The following RAPGEF5 variants were observed in gnomAD, a reference collection of about 807,000 sequenced individuals.
RAPGEF5 encodes the protein M-Ras-regulated GEF.
In RAPGEF5, 65 loss-of-function variants were observed where a neutral mutation model predicts 125.2. The observed-to-expected ratio is 0.52, with a 90% CI of 0.43 to 0.64. The LOEUF (loss-of-function observed/expected upper bound fraction) is 0.64. RAPGEF5 is among the 30% of genes least tolerant of loss of function. RAPGEF5 has a pLI of 0.00. For synonymous variants in RAPGEF5, 391 were observed against 385.9 expected (o/e 1.01, Z -0.16); for missense variants, 958 against 1,048.1 (o/e 0.91, Z 1.19).
intron 24 of RAPGEF5, among the ~76,000 whole-genome samples, chr7:22,128,986 T>C (rs543611429): frequency 6.6e-6 from 1 of 152,338 alleles, no homozygotes; most frequent in South Asian, 2.1e-4. Context: ...ACCTCCTTCA[T>C]TTCCAGCCCT....
chr7:22,201,603 A>G (rs1785278814), intron 9 of RAPGEF5, among the ~76,000 whole-genome samples: 1 of 152,202 alleles, frequency 6.6e-6, no homozygotes, highest in South Asian at 2.1e-4. Flanking sequence ...GACCGAATCC[A>G]ATTTCTACAT....
At chr7:22,349,021 T>G (rs1784279561) in intron 1 of RAPGEF5, among the ~76,000 whole-genome samples, 2 of 146,130 alleles carry the variant, frequency 1.4e-5, no homozygotes, top group Admixed American at 7.0e-5. Flanking sequence ...AACCCAGAGG[T>G]GGACGTTGCA....
At chr7:22,253,549 C>A (rs112955817) in intron 7 of RAPGEF5, among the ~76,000 whole-genome samples, 9 of 152,218 alleles carry the variant, frequency 5.9e-5, no homozygotes, top group African/African-American at 1.4e-4. Context: ...ATACAGCCAA[C>A]AGACTCCTCT....
intron 4 of RAPGEF5, 62 bp from the exon 5 acceptor site, chr7:22,308,569 C>CTTT: frequency 1.6e-6 from 2 of 1,289,030 alleles, no homozygotes; most frequent in Non-Finnish European, 2.1e-6. Flanking sequence ...AGAGTAATAA[C>CTTT]TCAAATGATA....
intron 11 of RAPGEF5, 139 bp from the exon 12 acceptor site, chr7:22,167,287 T>C: frequency 6.8e-6 from 4 of 591,520 alleles, no homozygotes; most frequent in Middle Eastern, 3.4e-4. Flanking sequence ...AGGAGAATTT[T>C]AGCCAGGAAA....
intron 3 of RAPGEF5, among the ~76,000 whole-genome samples, chr7:22,313,859 G>C (rs1224396549): frequency 1.3e-5 from 2 of 152,164 alleles, no homozygotes; most frequent in African/African-American, 4.8e-5. Context: ...TCTATGTGAA[G>C]TAGTCCAACC....
At chr7:22,157,972 T>C (rs1783866046) in intron 14 of RAPGEF5, 87 bp from the exon 15 acceptor site, 3 of 1,260,276 alleles carry the variant, frequency 2.4e-6, no homozygotes, top group South Asian at 2.5e-5. Context: ...TTTCCAGCAC[T>C]AGGCAGAGGA....
chr7:22,140,081 C>A lies in RAPGEF5; in HGVS notation c.2221G>T (p.Ala741Ser). 6.4e-7 allele frequency: 1 copy of A among 1,564,830 alleles called. No individual in the cohort carries two copies. The highest frequency in any genetic ancestry group is 8.7e-7 in the Non-Finnish European group (1 of 1,154,304). ...KAQRNLNSFF[A>S]IVMGLNTASV... is the part of the protein sequence containing the mutation. ...GCAGTGTTGAGACCCATCACAATGG[C>A]AAAGAAAGAATTCAGGTTTCTCTGG... is the stretch of plus-strand genomic sequence containing the variant. The change falls in exon 21 of 26, where the codon GCC (alanine) becomes TCC (serine). Residue 741 changes from alanine (A) to serine (S), a missense_variant. Ala to Ser is a moderately conservative substitution (Grantham distance 99). Transcript: ENST00000665637.
intron 7 of RAPGEF5, among the ~76,000 whole-genome samples, chr7:22,251,276 C>A (rs970925150): frequency 2.0e-5 from 3 of 152,028 alleles, no homozygotes; most frequent in African/African-American, 7.2e-5. Context: ...GACAATGCCA[C>A]CCCCCCAGCA....
intron 24 of RAPGEF5, among the ~76,000 whole-genome samples, chr7:22,127,833 T>A (rs900733694): frequency 6.6e-6 from 1 of 152,222 alleles, no homozygotes; most frequent in Non-Finnish European, 1.5e-5. Flanking sequence ...AGAAATATTA[T>A]TGGAATATGA....
intron 20 of RAPGEF5, among the ~76,000 whole-genome samples, chr7:22,141,152 C>T (rs949900479): frequency 3.9e-5 from 6 of 152,120 alleles, no homozygotes; most frequent in African/African-American, 1.4e-4. Context: ...CTATCATTAA[C>T]AGCTATGTAA....
rs78671518 is a variant in RAPGEF5, at chr7:22,327,452, T to C, written c.232-9415A>G. On this transcript the variant is annotated intron_variant, in intron 1 of 25. Coordinates refer to ENST00000665637, the MANE Select transcript of RAPGEF5 (RefSeq NM_012294.5). Reference sequence around the variant, plus strand: ...ATGATGCATTCTGTGTAGCTAATTATCATTAAATGTTTATAAAGGAAAAAA... The same window carrying C: ...ATGATGCATTCTGTGTAGCTAATTACCATTAAATGTTTATAAAGGAAAAAA... Among the ~76,000 whole-genome samples the C allele has an allele frequency of 4.5e-3, 689 of 152,326 alleles. 2 individuals carry two copies. The highest frequency in any genetic ancestry group is 8.1e-3 in the Non-Finnish European group (552 of 68,026).
At chr7:22,326,943 G>C (rs1783826393) in intron 1 of RAPGEF5, among the ~76,000 whole-genome samples, 1 of 152,136 alleles carries the variant, frequency 6.6e-6, no homozygotes, top group Non-Finnish European at 1.5e-5. Flanking sequence ...TCGTGGCAAA[G>C]TTTATTTCCA....
chr7:22,173,505 T>A (rs1269038341), intron 11 of RAPGEF5, among the ~76,000 whole-genome samples: 1 of 152,232 alleles, frequency 6.6e-6, no homozygotes, highest in East Asian at 1.9e-4. Context: ...ACGCTGTTTA[T>A]ATATCAAATC....
At chr7:22,323,072 C>A (rs966248622) in intron 1 of RAPGEF5, among the ~76,000 whole-genome samples, 1 of 152,180 alleles carries the variant, frequency 6.6e-6, no homozygotes, top group African/African-American at 2.4e-5. Context: ...GCCACTGTTT[C>A]AGCAAATCCT....
chr7:22,173,083 T>A (rs528849129), intron 11 of RAPGEF5, among the ~76,000 whole-genome samples: 3 of 152,372 alleles, frequency 2.0e-5, no homozygotes, highest in Non-Finnish European at 4.4e-5. Flanking sequence ...CTAAAATATA[T>A]TCTACTTAAC....
intron 6 of RAPGEF5, among the ~76,000 whole-genome samples, chr7:22,267,528 C>T (rs904247452): frequency 1.3e-5 from 2 of 151,938 alleles, no homozygotes; most frequent in Admixed American, 6.6e-5. Flanking sequence ...GATAATATGC[C>T]ACATAAAAGC....
chr7:22,269,608 A>G (rs1166729746), intron 6 of RAPGEF5, among the ~76,000 whole-genome samples: 1 of 152,256 alleles, frequency 6.6e-6, no homozygotes, highest in Non-Finnish European at 1.5e-5. Flanking sequence ...CCCAGCAGAA[A>G]TCTTCAGAAC....
intron 6 of RAPGEF5, among the ~76,000 whole-genome samples, chr7:22,279,651 C>T (rs1334236140): frequency 6.6e-6 from 1 of 152,170 alleles, no homozygotes; most frequent in African/African-American, 2.4e-5. Context: ...ACCCTCATCC[C>T]TTCACCCACT....
Sources: gnomAD v4.1 joint callset for allele counts (sites outside exome capture counted in the v4.1 genomes callset) on GRCh38, gnomAD v4.1.1 for gene constraint, MANE v1.5 for transcripts, NCBI Gene and HGNC (gene_info 2026-07-23, HGNC 2026-07-21) for gene names.